The following CELF2 variants were observed in gnomAD, a reference collection of about 807,000 sequenced individuals.
CELF2 encodes the protein CUGBP Elav-like family member 2.
CELF2 carries 8 observed loss-of-function variants against 62.6 expected under a neutral mutation model. The observed-to-expected ratio is 0.13, with a 90% CI of 0.07 to 0.23. The LOEUF is 0.23. CELF2 is among the 10% of genes least tolerant of loss of function. The pLI, the probability that CELF2 is intolerant of heterozygous loss-of-function variation, is 1.00. For synonymous variants in CELF2, 258 were observed against 250.0 expected, an observed-to-expected ratio of 1.03 and a Z score of -0.30; for missense variants, 333 against 671.0, an observed-to-expected ratio of 0.50 and a Z score of 5.56.
upstream of CELF2, among the ~76,000 whole-genome samples, chr10:10,795,553 A>G (rs1477501282): frequency 1.3e-5 from 2 of 152,200 alleles, no homozygotes; most frequent in Non-Finnish European, 2.9e-5. Context: ...GTGTTTAGGA[A>G]GCACCCTCAT....
chr10:11,150,421 C>T (rs1339961616), intron 1 of CELF2, among the ~76,000 whole-genome samples: 1 of 152,216 alleles, frequency 6.6e-6, no homozygotes, highest in Non-Finnish European at 1.5e-5. Context: ...CATAATCATA[C>T]TTGAATGACT....
chr10:10,646,768 T>C, the CELF2 span, among the ~76,000 whole-genome samples: 1 of 152,250 alleles, frequency 6.6e-6, no homozygotes, highest in South Asian at 2.1e-4. Flanking sequence ...GGAACTTGCA[T>C]GGCATTTTAT....
chr10:11,294,798 C>G (rs1022511360), intron 9 of CELF2, among the ~76,000 whole-genome samples: 1 of 152,236 alleles, frequency 6.6e-6, no homozygotes, highest in South Asian at 2.1e-4. Flanking sequence ...GTAATCCCAG[C>G]TACTCGGGAG....
intron 11 of CELF2, among the ~76,000 whole-genome samples, chr10:11,325,224 G>T (rs2095660164): frequency 1.3e-5 from 2 of 152,188 alleles, no homozygotes; most frequent in South Asian, 4.1e-4. Context: ...GCCCAGGAGA[G>T]TCATTCCTCT....
chr10:10,469,949 A>T, the CELF2 span, among the ~76,000 whole-genome samples: 2 of 151,852 alleles, frequency 1.3e-5, no homozygotes, highest in Admixed American at 6.6e-5. Context: ...CTAATCTGAA[A>T]ATCTGAAATC....
chr10:11,314,515 G>C lies in CELF2; in HGVS notation c.1096+257G>C. ...GTGTGCTCATCCATGGGGTTCTGTG[G>C]CTGGCAGCTCTTTTCAGGTTTCCAG... is the stretch of plus-strand genomic sequence containing the variant. On this transcript the variant is annotated intron_variant, in intron 10 of 12. Transcript: ENST00000633077. The surrounding 1 kb of genome is among the most constrained non-coding windows in gnomAD (Gnocchi z 5.3). 1 of 521,150 alleles carries C rather than the reference G, an allele frequency of 1.9e-6. No individual in the cohort carries two copies. Among genetic ancestry groups the C allele is most frequent in the East Asian group, 3.8e-5 (1 of 26,248 alleles). 32.3% of individuals were successfully genotyped at this position (521,150 alleles called of 1,614,324 possible). A position where few individuals can be genotyped will look rare whatever the true frequency, so the allele number is the denominator to read the frequency against.
chr10:10,585,646 C>T, the CELF2 span, among the ~76,000 whole-genome samples: 1 of 152,166 alleles, frequency 6.6e-6, no homozygotes, highest in Non-Finnish European at 1.5e-5. Context: ...TGATTACGCT[C>T]CCTTTGTCAT....
intron 2 of CELF2, among the ~76,000 whole-genome samples, chr10:10,985,412 C>A (rs1031886088): frequency 6.6e-6 from 1 of 152,008 alleles, no homozygotes; most frequent in East Asian, 1.9e-4. Context: ...ATCAGCATGG[C>A]AATGCATTAT....
In CELF2 at chr10:11,316,034, C is replaced by T. The variant is rs943952065; in HGVS notation, c.1096+1776C>T. ...TCTCGTCTGCGTCCCGCCCTGTCCA[C>T]GCTGCTCTGCTCTGCATTGCTGAGA... On this transcript the variant is annotated intron_variant, in intron 10 of 12. Coordinates refer to ENST00000633077, the MANE Select transcript of CELF2 (RefSeq NM_001326342.2). The surrounding 1 kb of genome is among the most constrained non-coding windows in gnomAD (Gnocchi z 4.4). Among the ~76,000 whole-genome samples the T allele has an allele frequency of 2.0e-5, 3 of 152,330 alleles. No homozygotes were observed. Among genetic ancestry groups the T allele is most frequent in the East Asian group, 3.9e-4 (2 of 5,188 alleles).
At chr10:10,863,879 G>A (rs1316570216) in intron 1 of CELF2, among the ~76,000 whole-genome samples, 1 of 152,066 alleles carries the variant, frequency 6.6e-6, no homozygotes, top group African/African-American at 2.4e-5. Context: ...ACCAAATAAG[G>A]CAACTTTATA....
At chr10:10,673,684 C>T in the CELF2 span, among the ~76,000 whole-genome samples, 1 of 152,092 alleles carries the variant, frequency 6.6e-6, no homozygotes, top group South Asian at 2.1e-4. Flanking sequence ...GCTATAAATT[C>T]CCCTCAAAGC....
chr10:11,194,085 G>T (rs953747542), intron 2 of CELF2, among the ~76,000 whole-genome samples: 10 of 151,650 alleles, frequency 6.6e-5, no homozygotes, highest in Non-Finnish European at 1.5e-5. Flanking sequence ...ATATATTTTT[G>T]TGACAGAGTC....
At chr10:10,919,194 C>T (rs1406093402) in intron 1 of CELF2, among the ~76,000 whole-genome samples, 1 of 151,826 alleles carries the variant, frequency 6.6e-6, no homozygotes, top group Non-Finnish European at 1.5e-5. Context: ...CGCTGGAACC[C>T]AGGAGGCAGA....
chr10:10,824,007 T>C (rs2057184784), intron 1 of CELF2, among the ~76,000 whole-genome samples: 1 of 152,028 alleles, frequency 6.6e-6, no homozygotes, highest in Admixed American at 6.6e-5. Context: ...CATAGATACA[T>C]AGATAAATAG....
intron 1 of CELF2, among the ~76,000 whole-genome samples, chr10:10,799,150 G>A (rs2054380255): frequency 6.6e-6 from 1 of 152,206 alleles, no homozygotes; most frequent in Admixed American, 6.5e-5. Flanking sequence ...AAGGTGTGAG[G>A]TGGAATGTGG....
intron 3 of CELF2, among the ~76,000 whole-genome samples, chr10:11,239,899 A>G (rs536195723): frequency 2.0e-5 from 3 of 152,262 alleles, no homozygotes; most frequent in South Asian, 2.1e-4. Context: ...ACAAAAATAC[A>G]AAAAATTAGC....
rs543822655 is a variant in CELF2, at chr10:11,058,594, G to A, written c.74+40431G>A. ...CGATTCTCCTGTCTCAGCCTCCCGAGTAGCTGGGATTACAGGCATGCACCA... is the reference window on the plus strand; with the variant it reads ...CGATTCTCCTGTCTCAGCCTCCCGAATAGCTGGGATTACAGGCATGCACCA... On this transcript the variant is annotated intron_variant, in intron 1 of 12. Transcript: ENST00000633077. Among the ~76,000 whole-genome samples the A allele has an allele frequency of 2.0e-3, 296 of 150,864 alleles. 1 individual carries two copies. The highest frequency in any genetic ancestry group is 6.7e-3 in the African/African-American group (274 of 41,076).
chr10:10,603,358 C>G, the CELF2 span, among the ~76,000 whole-genome samples: 2 of 151,838 alleles, frequency 1.3e-5, no homozygotes, highest in East Asian at 3.9e-4. Flanking sequence ...GAATTATTTT[C>G]CATATATTTC....
chr10:10,858,386 A>G (rs182120186), intron 1 of CELF2, among the ~76,000 whole-genome samples: 3 of 152,248 alleles, frequency 2.0e-5, no homozygotes, highest in African/African-American at 7.2e-5. Context: ...CCTATTTTCT[A>G]ATTTCTCATT....
Sources: allele counts gnomAD v4.1 joint callset (sites outside exome capture counted in the v4.1 genomes callset), GRCh38; gene constraint gnomAD v4.1.1; non-coding constraint Gnocchi (gnomAD v3.1); transcripts MANE v1.5; gene names NCBI Gene and HGNC (gene_info 2026-07-23, HGNC 2026-07-21).